BNC2: variants seen among roughly 807,000 people sequenced by gnomAD.
BNC2 encodes zinc finger protein basonuclin-2.
Under a neutral mutation model 76.3 loss-of-function variants are expected in BNC2, and 20 were observed. That is an observed-to-expected ratio of 0.26 (90% CI 0.18 to 0.38). The LOEUF is 0.38. Among genes scored for constraint, BNC2 ranks in the 10% least tolerant of loss-of-function variants. The probability of loss-of-function intolerance (pLI) is 1.00; values close to 1 mark genes in which losing one functional copy is unlikely to be tolerated. For missense variants in BNC2, 1,382 were observed against 1,399.8 expected, an observed-to-expected ratio of 0.99 and a Z score of 0.20; for synonymous variants, 582 against 514.8, an observed-to-expected ratio of 1.13 and a Z score of -1.77.
intron 5 of BNC2, among the ~76,000 whole-genome samples, chr9:16,545,376 T>C (rs560268432): frequency 6.6e-6 from 1 of 152,336 alleles, no homozygotes; most frequent in African/African-American, 2.4e-5. Flanking sequence ...GTGGTACTAC[T>C]AAGTGCTTTC....
At chr9:16,662,317 C>T (rs950397126) in intron 3 of BNC2, among the ~76,000 whole-genome samples, 7 of 152,204 alleles carry the variant, frequency 4.6e-5, no homozygotes, top group African/African-American at 7.2e-5. Flanking sequence ...TCTCATTCTA[C>T]TCTACACTAA....
chr9:16,845,726 A>G (rs1047934044), intron 1 of BNC2, among the ~76,000 whole-genome samples: 1 of 152,138 alleles, frequency 6.6e-6, no homozygotes, highest in African/African-American at 2.4e-5. Context: ...GTCTCAAAAT[A>G]AAATAAAAAT....
intron 5 of BNC2, among the ~76,000 whole-genome samples, chr9:16,467,484 A>G (rs1169323194): frequency 4.7e-5 from 6 of 128,882 alleles, no homozygotes; most frequent in Non-Finnish European, 9.6e-5. Context: ...CATATACACC[A>G]TGGAATACTA....
intron 1 of BNC2, among the ~76,000 whole-genome samples, chr9:16,788,359 C>T (rs779613474): frequency 6.6e-6 from 1 of 151,718 alleles, no homozygotes; most frequent in African/African-American, 2.4e-5. Context: ...CGAGACCATC[C>T]TGGCTAACAT....
At chr9:16,751,520 G>C (rs1407422322) in intron 1 of BNC2, among the ~76,000 whole-genome samples, 1 of 150,208 alleles carries the variant, frequency 6.7e-6, no homozygotes, top group African/African-American at 2.4e-5. Context: ...CAAAATAAAA[G>C]TAAATATCAA....
At chr9:16,627,874 G>GAGCTC (rs1821043859) in intron 3 of BNC2, among the ~76,000 whole-genome samples, 1 of 152,120 alleles carries the variant, frequency 6.6e-6, no homozygotes, top group African/African-American at 2.4e-5. Context: ...AAGAGAAAAA[G>GAGCTC]AGCTCAGTGT....
chr9:16,492,738 T>C (rs1350181408), intron 5 of BNC2, among the ~76,000 whole-genome samples: 1 of 150,830 alleles, frequency 6.6e-6, no homozygotes, highest in Admixed American at 6.6e-5. Context: ...TTTTTTTTTC[T>C]GTATAGCTAT....
At chr9:16,628,135 C>A (rs942256169) in intron 3 of BNC2, among the ~76,000 whole-genome samples, 1 of 152,118 alleles carries the variant, frequency 6.6e-6, no homozygotes, top group Non-Finnish European at 1.5e-5. Flanking sequence ...CACATACTTT[C>A]CCGCAAGTAC....
intron 3 of BNC2, among the ~76,000 whole-genome samples, chr9:16,671,542 A>C (rs61336812): frequency 6.6e-6 from 1 of 152,038 alleles, no homozygotes; most frequent in Non-Finnish European, 1.5e-5. Context: ...TTTGACAGAA[A>C]ATTAGACTAT....
At chr9:16,471,293 T>C (rs557511800) in intron 5 of BNC2, among the ~76,000 whole-genome samples, 1,061 of 76,584 alleles carry the variant, frequency 0.014, 12 homozygotes, top group African/African-American at 0.049. Flanking sequence ...TTGCTTTTGA[T>C]TTTTTTTTTT....
chr9:16,544,697 T>C (rs1450257233), intron 5 of BNC2, among the ~76,000 whole-genome samples: 4 of 151,032 alleles, frequency 2.6e-5, no homozygotes, highest in African/African-American at 9.7e-5. Flanking sequence ...CAGACACCTG[T>C]AATTTAGGAG....
chr9:16,521,506 T>C lies in BNC2; in HGVS notation c.669+31024A>G, dbSNP rs543902259. Among the ~76,000 whole-genome samples the C allele has an allele frequency of 2.0e-5, 3 of 152,316 alleles. No homozygotes were observed. The South Asian group carries it at 6.2e-4, about 32-fold the overall frequency. Reference sequence around the variant, plus strand: ...GGTAAAACGTGAATGGTTTACATCATTAGAGAAGAAAATATAATTTGCGCA... The same window carrying C: ...GGTAAAACGTGAATGGTTTACATCACTAGAGAAGAAAATATAATTTGCGCA... On this transcript the variant is annotated intron_variant, in intron 5 of 6. Transcript: ENST00000380672.
intron 1 of BNC2, among the ~76,000 whole-genome samples, chr9:16,769,414 A>G (rs1268029458): frequency 6.6e-6 from 1 of 152,230 alleles, no homozygotes; most frequent in African/African-American, 2.4e-5. Context: ...TTTTACTGAC[A>G]GGGAAAATGC....
chr9:16,505,780 T>A (rs527883739), intron 5 of BNC2, among the ~76,000 whole-genome samples: 1 of 152,110 alleles, frequency 6.6e-6, no homozygotes, highest in Non-Finnish European at 1.5e-5. Context: ...ATCAGGTGAT[T>A]TGAATTTCAT....
chr9:16,724,318 GCCT>G (rs972868706), intron 3 of BNC2, among the ~76,000 whole-genome samples: 30 of 151,662 alleles, frequency 2.0e-4, no homozygotes, highest in African/African-American at 3.4e-4. Flanking sequence ...TAGAAGAATT[GCCT>G]CCTCAAGTGT....
At chr9:16,502,336 A>T (rs1037659339) in intron 5 of BNC2, among the ~76,000 whole-genome samples, 13 of 152,236 alleles carry the variant, frequency 8.5e-5, no homozygotes, top group Non-Finnish European at 1.9e-4. Flanking sequence ...CGACAGAGCA[A>T]GACTCTGTCT....
intron 1 of BNC2, among the ~76,000 whole-genome samples, chr9:16,821,952 G>A (rs898649303): frequency 6.6e-6 from 1 of 152,040 alleles, no homozygotes; most frequent in African/African-American, 2.4e-5. Context: ...AGTTAGCCAG[G>A]TGCGGTGGCG....
intron 3 of BNC2, among the ~76,000 whole-genome samples, chr9:16,585,202 A>G (rs1373241344): frequency 1.3e-5 from 2 of 152,114 alleles, no homozygotes; most frequent in Non-Finnish European, 2.9e-5. Flanking sequence ...CAGACTGTGG[A>G]TTTGATTTAT....
At chr9:16,866,482 C>G (rs770138953) in intron 1 of BNC2, among the ~76,000 whole-genome samples, 8 of 151,682 alleles carry the variant, frequency 5.3e-5, no homozygotes, top group African/African-American at 1.7e-4. Context: ...CCTCCTAAAA[C>G]GAGAGTAACT....
Sources: gnomAD v4.1 joint callset for allele counts (sites outside exome capture counted in the v4.1 genomes callset) on GRCh38, gnomAD v4.1.1 for gene constraint, MANE v1.5 for transcripts, NCBI Gene and HGNC (gene_info 2026-07-23, HGNC 2026-07-21) for gene names.